Variants in FBXL14 observed in about 807,000 individuals in gnomAD.
FBXL14 encodes F-box and leucine rich repeat protein 14, also known as F-box/LRR-repeat protein 14.
A neutral mutation model predicts 24.5 loss-of-function variants in FBXL14; 11 were observed. That is an observed-to-expected ratio of 0.45 (90% CI 0.28 to 0.74). FBXL14 has a LOEUF of 0.74. Among genes scored for constraint, FBXL14 ranks in the 30% least tolerant of loss-of-function variants. The pLI is 0.12. For missense variants in FBXL14, 384 were observed against 545.6 expected, an observed-to-expected ratio of 0.70 and a Z score of 2.95; for synonymous variants, 294 against 240.4, an observed-to-expected ratio of 1.22 and a Z score of -2.06.
chr12:1,592,737 A>AG (rs1322235030), intron 1 of FBXL14, 136 bp downstream of exon 1: 4 of 757,470 alleles, frequency 5.3e-6, no homozygotes, highest in Non-Finnish European at 7.9e-6. Flanking sequence ...AACGAGCCTG[A>AG]GGCTTCTGTC....
At position 1,579,247 on chromosome 12, in the gene FBXL14, CA is replaced by C. The variant is rs1188401501; in HGVS notation, c.1195-12438del. ...CAGTTGTTTAGGGATCTTCTGAGGG[CA>C]AACCAAAAATGTCAGTAAAGCAAAA... On this transcript the variant is annotated intron_variant, in intron 1 of 1. Coordinates refer to ENST00000339235, the MANE Select transcript of FBXL14 (RefSeq NM_152441.3). This position sits in a 1 kb window ranked among gnomAD's most constrained non-coding sequence, Gnocchi z 4.3. Among the ~76,000 whole-genome samples, 1 of 151,984 alleles carries C rather than the reference CA, an allele frequency of 6.6e-6. No homozygotes were observed. The highest frequency in any genetic ancestry group is 1.5e-5 in the Non-Finnish European group (1 of 68,004).
At chr12:1,591,429 T>C (rs2094489793) in intron 1 of FBXL14, among the ~76,000 whole-genome samples, 1 of 149,100 alleles carries the variant, frequency 6.7e-6, no homozygotes, top group Non-Finnish European at 1.5e-5. Flanking sequence ...ACTGTAAGAA[T>C]ATAAACGTTT....
At chr12:1,584,520 C>T (rs747139129) in intron 1 of FBXL14, among the ~76,000 whole-genome samples, 1 of 152,198 alleles carries the variant, frequency 6.6e-6, no homozygotes, top group South Asian at 2.1e-4. Flanking sequence ...TTGTTGACAT[C>T]TGACCCTGAG....
In FBXL14 at chr12:1,593,144, T is replaced by C. The variant is rs756572837; in HGVS notation, c.923A>G (p.Lys308Arg). ...GTGGCAGGAGCAGAGGGAGAGAGAC[T>C]TGAGGCCATCCAGCCCCTGGGCTAT... Reference protein sequence around the residue: ...AYIAQGLDGLKSLSLCSCHIS... With the variant: ...AYIAQGLDGLRSLSLCSCHIS... Residue 308 changes from lysine to arginine, a missense_variant, in exon 1 of 2, where the codon AAG (lysine) becomes AGG (arginine). Coordinates refer to ENST00000339235, the MANE Select transcript of FBXL14 (RefSeq NM_152441.3). This position sits in a 1 kb window ranked among gnomAD's most constrained non-coding sequence, Gnocchi z 7.4. The C allele has an allele frequency of 1.1e-5, 17 of 1,613,628 alleles. No homozygotes were observed. The highest frequency in any genetic ancestry group is 3.3e-5 in the Admixed American group (2 of 60,012).
chr12:1,590,223 T>C (rs1318196786), intron 1 of FBXL14, among the ~76,000 whole-genome samples: 1 of 152,126 alleles, frequency 6.6e-6, no homozygotes, highest in Non-Finnish European at 1.5e-5. Flanking sequence ...AAACAGAAGA[T>C]GGATCTAGTG....
chr12:1,584,015 T>C (rs2094471823), intron 1 of FBXL14, among the ~76,000 whole-genome samples: 2 of 152,144 alleles, frequency 1.3e-5, no homozygotes, highest in Admixed American at 1.3e-4. Flanking sequence ...CAATAATGTG[T>C]AGTGCTTGAC....
chr12:1,586,412 G>A (rs1379960904), intron 1 of FBXL14, among the ~76,000 whole-genome samples: 1 of 152,008 alleles, frequency 6.6e-6, no homozygotes, highest in Non-Finnish European at 1.5e-5. Context: ...TTGCTGTGTC[G>A]CCCAGGCTGG....
rs1483938648 is a variant in FBXL14, at chr12:1,566,663, T to G, written c.*85A>C. The G allele has an allele frequency of 1.8e-5, 14 of 762,688 alleles. No homozygotes were observed. Among genetic ancestry groups the G allele is most frequent in the Admixed American group, 1.2e-4 (7 of 57,280 alleles). 47.2% of individuals were successfully genotyped at this position (762,688 alleles called of 1,614,324 possible). A position where few individuals can be genotyped will look rare whatever the true frequency, so the allele number is the denominator to read the frequency against. The stretch of plus-strand genomic sequence containing the variant: ...CAGTGACAGGCAGGGAAACCTGAGC[T>G]GTCATCACCAGAGTGCCGGAGGCGC... On this transcript the variant is annotated 3_prime_UTR_variant, in exon 2 of 2. Transcript: ENST00000339235.
At chr12:1,572,461 T>C (rs750784485) in intron 1 of FBXL14, among the ~76,000 whole-genome samples, 1 of 152,252 alleles carries the variant, frequency 6.6e-6, no homozygotes, top group Non-Finnish European at 1.5e-5. Context: ...TTTGGCTTTT[T>C]TTGTTACCAA....
rs987314025 is a variant in FBXL14, at chr12:1,594,076, C to T, written c.-10G>A. The T allele has an allele frequency of 2.8e-6, 4 of 1,433,924 alleles. No individual in the cohort carries two copies. The highest frequency in any genetic ancestry group is 1.5e-5 in the African/African-American group (1 of 68,794). The allele number at this position is 1,433,924 out of a possible 1,614,324, so 88.8% of individuals were successfully genotyped here. On this transcript the variant is annotated 5_prime_UTR_variant, in exon 1 of 2. Transcript: ENST00000339235. ...AGATGTGGGTCTCCATCTTCCTCCT[C>T]CCCCCTCCGCGGCGCTGGGGGGAGG...
At chr12:1,584,118 G>GA (rs1430511356) in intron 1 of FBXL14, among the ~76,000 whole-genome samples, 4 of 152,126 alleles carry the variant, frequency 2.6e-5, no homozygotes, top group African/African-American at 9.7e-5. Flanking sequence ...GCCGAGATGG[G>GA]AGGATCACTT....
upstream of FBXL14, among the ~76,000 whole-genome samples, chr12:1,594,692 G>T (rs1317440355): frequency 2.0e-4 from 30 of 149,266 alleles, no homozygotes; most frequent in Admixed American, 2.0e-3. Flanking sequence ...GCGGCCACTT[G>T]GGAGCTGCCG....
At position 1,566,732 on chromosome 12, in the gene FBXL14, CGTT is replaced by C. The variant is rs775665827; in HGVS notation, c.*13_*15del. 1.1e-4 allele frequency: 82 copies of C among 780,788 alleles called. No homozygotes were observed. The Middle Eastern group carries it at 1.3e-3, about 13-fold the overall frequency. 48.4% of individuals were successfully genotyped at this position (780,788 alleles called of 1,614,324 possible). On this transcript the variant is annotated 3_prime_UTR_variant, in exon 2 of 2. Transcript: ENST00000339235. ...AGTTAAAGATCCACGGGAACCATGT[CGTT>C]GTCCCCTCTCCCTCACCTTCTGGAG...
chr12:1,582,687 C>G (rs2154438083), intron 1 of FBXL14, among the ~76,000 whole-genome samples: 1 of 152,302 alleles, frequency 6.6e-6, no homozygotes, highest in African/African-American at 2.4e-5. Flanking sequence ...TATTTATTCT[C>G]TAACCAAAAA....
intron 1 of FBXL14, among the ~76,000 whole-genome samples, chr12:1,590,132 A>G (rs1438956913): frequency 6.6e-6 from 1 of 150,680 alleles, no homozygotes; most frequent in Non-Finnish European, 1.5e-5. Flanking sequence ...ACTTCTTAAT[A>G]GGCTTCACAC....
At chr12:1,585,609 CCA>C (rs1204593648) in intron 1 of FBXL14, among the ~76,000 whole-genome samples, 3 of 152,174 alleles carry the variant, frequency 2.0e-5, no homozygotes, top group African/African-American at 7.2e-5. Flanking sequence ...CAGTCCAGTT[CCA>C]GTGTCTCAGA....
chr12:1,592,880 C>CT lies in FBXL14; in HGVS notation c.1186dup (p.Ser396LysfsTer2). The CT allele has an allele frequency of 6.4e-7, 1 of 1,567,046 alleles. No individual in the cohort carries two copies. The highest frequency in any genetic ancestry group is 8.7e-7 in the Non-Finnish European group (1 of 1,151,574). On this transcript the variant is annotated frameshift_variant, in exon 1 of 2. Coordinates refer to ENST00000339235, the MANE Select transcript of FBXL14 (RefSeq NM_152441.3). LOFTEE classifies it high-confidence loss of function. ...CTGCCGCCCTCACCTGACCTTCTCACTGTCCGTCATCTGCCAGAGTCCCAG... is the reference window on the plus strand; with the variant it reads ...CTGCCGCCCTCACCTGACCTTCTCACTTGTCCGTCATCTGCCAGAGTCCCAG...
At chr12:1,581,531 C>T (rs190650425) in intron 1 of FBXL14, among the ~76,000 whole-genome samples, 42 of 152,274 alleles carry the variant, frequency 2.8e-4, no homozygotes, top group South Asian at 2.1e-4. Context: ...ATGTCGGAGC[C>T]GGCCTGTCCC....
chr12:1,586,851 T>A (rs2094477654), intron 1 of FBXL14, among the ~76,000 whole-genome samples: 1 of 152,226 alleles, frequency 6.6e-6, no homozygotes, highest in Non-Finnish European at 1.5e-5. Flanking sequence ...GACCCAGTTC[T>A]CTTCTTTGTA....
Sources: allele counts gnomAD v4.1 joint callset (sites outside exome capture counted in the v4.1 genomes callset), GRCh38; gene constraint gnomAD v4.1.1; non-coding constraint Gnocchi (gnomAD v3.1); transcripts MANE v1.5; gene names NCBI Gene and HGNC (gene_info 2026-07-23, HGNC 2026-07-21).